COL14A1: variants seen among roughly 807,000 people sequenced by gnomAD.
COL14A1 encodes collagen type XIV alpha 1 chain, also known as collagen alpha-1(XIV) chain.
In COL14A1, 136 loss-of-function variants were observed where a neutral mutation model predicts 230.3. The ratio of observed to expected loss-of-function variants is 0.59; its 90% CI spans 0.51 to 0.68. The LOEUF (loss-of-function observed/expected upper bound fraction) is 0.68, where lower values mean the gene tolerates loss of function less well. COL14A1 is among the 30% of genes least tolerant of loss of function. COL14A1 has a pLI of 0.00. For missense variants in COL14A1, 1,976 were observed against 2,215.8 expected, an observed-to-expected ratio of 0.89 and a Z score of 2.17; for synonymous variants, 792 against 784.1, an observed-to-expected ratio of 1.01 and a Z score of -0.17.
At chr8:120,167,504 G>A (rs1175485354) in intron 4 of COL14A1, among the ~76,000 whole-genome samples, 1 of 152,186 alleles carries the variant, frequency 6.6e-6, no homozygotes, top group Admixed American at 6.5e-5. Context: ...GCAGTTTTAA[G>A]GAGAGAATGC....
intron 34 of COL14A1, among the ~76,000 whole-genome samples, chr8:120,295,758 A>G (rs1563723176): frequency 6.6e-6 from 1 of 151,836 alleles, no homozygotes; most frequent in Non-Finnish European, 1.5e-5. Flanking sequence ...CCTCTATACT[A>G]ACTCATTTAA....
Position 120,161,693 on chromosome 8 carries a change from C to T in COL14A1, c.206-733C>T, listed in dbSNP as rs145305728. Among the ~76,000 whole-genome samples the T allele has an allele frequency of 9.9e-3, 1,507 of 152,132 alleles. 29 individuals carry two copies. Among genetic ancestry groups the T allele is most frequent in the African/African-American group, 0.033 (1,356 of 41,494 alleles). On this transcript the variant is annotated intron_variant, in intron 3 of 47. Transcript: ENST00000297848. ...ACATTTTTTTTTTGAGGCGGAGTCTCGGTCTGTCACCCAGGCTGGAGTGCA... is the reference window on the plus strand; with the variant it reads ...ACATTTTTTTTTTGAGGCGGAGTCTTGGTCTGTCACCCAGGCTGGAGTGCA...
In COL14A1 at chr8:120,162,565, C is replaced by T; in HGVS notation, c.345C>T (p.Phe115=). 1 of 1,602,794 alleles carries T rather than the reference C, an allele frequency of 6.2e-7. No homozygotes were observed. The highest frequency in any genetic ancestry group is 1.7e-5 in the Admixed American group (1 of 57,972). The part of the protein sequence containing the change: ...DKESKPAQGQ[F]RIKDLEKRKD... ...AAAGCAAGCCAGCTCAAGGCCAATT[C>T]AGAAGTACGTATTTACAGTTCTCAA... The change falls in exon 4 of 48, where the codon TTC becomes TTT. Residue 115 remains phenylalanine (F), a synonymous_variant. Coordinates refer to ENST00000297848, the MANE Select transcript of COL14A1 (RefSeq NM_021110.4).
chr8:120,233,209 C>A, intron 19 of COL14A1, among the ~76,000 whole-genome samples: 1 of 151,840 alleles, frequency 6.6e-6, no homozygotes, highest in East Asian at 1.9e-4. Context: ...TTCTCCCATT[C>A]TGTAGGTTGC....
At chr8:120,132,871 G>A (rs1814578833) in intron 1 of COL14A1, among the ~76,000 whole-genome samples, 1 of 151,950 alleles carries the variant, frequency 6.6e-6, no homozygotes, top group Non-Finnish European at 1.5e-5. Context: ...TCTCCCCATG[G>A]TTTTGCAATT....
intron 26 of COL14A1, among the ~76,000 whole-genome samples, chr8:120,274,599 C>A (rs532485131): frequency 1.3e-5 from 2 of 151,848 alleles, no homozygotes; most frequent in South Asian, 2.1e-4. Context: ...CCAAAAGACT[C>A]CTAGATTTGA....
intron 40 of COL14A1, among the ~76,000 whole-genome samples, chr8:120,317,024 T>A (rs1224716343): frequency 6.6e-6 from 1 of 152,192 alleles, no homozygotes; most frequent in Non-Finnish European, 1.5e-5. Context: ...AGGTAGTCAT[T>A]AAATTTTCAG....
intron 5 of COL14A1, among the ~76,000 whole-genome samples, chr8:120,184,991 A>G (rs945908276): frequency 5.3e-5 from 8 of 152,340 alleles, no homozygotes; most frequent in Admixed American, 4.6e-4. Context: ...AATTGGCACA[A>G]GAAATTAACC....
chr8:120,300,913 C>T, intron 36 of COL14A1, 95 bp downstream of exon 36: 2 of 908,840 alleles, frequency 2.2e-6, no homozygotes, highest in South Asian at 3.2e-5. Flanking sequence ...TACTAAATGG[C>T]TATTACTCAC....
chr8:120,147,786 C>A lies in COL14A1; in HGVS notation c.-37-20C>A. 1 of 1,310,988 alleles carries A rather than the reference C, an allele frequency of 7.6e-7. No individual in the cohort carries two copies. Among genetic ancestry groups the A allele is most frequent in the South Asian group, 1.2e-5 (1 of 80,126 alleles). The allele number at this position is 1,310,988 out of a possible 1,614,324, so 81.2% of individuals were successfully genotyped here. A position where few individuals can be genotyped will look rare whatever the true frequency, so the allele number is the denominator to read the frequency against. The stretch of plus-strand genomic sequence containing the variant: ...TATTTTCAGCCTTCTCAAAAATGTT[C>A]CTGTTCTCTCTGTTTCTAGGTGGCT... On this transcript the variant is annotated intron_variant, in intron 1 of 47. Transcript: ENST00000297848.
At chr8:120,233,967 A>G (rs1285473528) in intron 19 of COL14A1, among the ~76,000 whole-genome samples, 1 of 152,172 alleles carries the variant, frequency 6.6e-6, no homozygotes, top group Non-Finnish European at 1.5e-5. Context: ...ATATTTTTCC[A>G]TTTGTTTGTG....
chr8:120,174,233 T>C (rs1816201320), intron 5 of COL14A1, among the ~76,000 whole-genome samples: 1 of 151,296 alleles, frequency 6.6e-6, no homozygotes, highest in Non-Finnish European at 1.5e-5. Context: ...GGGAGAATTT[T>C]ACAAGGAAGT....
intron 32 of COL14A1, 24 bp from the exon 33 acceptor site, chr8:120,285,837 A>G: frequency 1.4e-6 from 2 of 1,443,780 alleles, no homozygotes; most frequent in Non-Finnish European, 1.9e-6. Context: ...TATTTCTAAA[A>G]TATTTTTATT....
At chr8:120,195,507 T>C (rs1817005126) in intron 5 of COL14A1, among the ~76,000 whole-genome samples, 1 of 152,136 alleles carries the variant, frequency 6.6e-6, no homozygotes, top group Non-Finnish European at 1.5e-5. Context: ...CTAAAAGTAT[T>C]GGTCTGTTCT....
Position 120,154,077 on chromosome 8 carries a change from G to T in COL14A1, c.89-4053G>T, listed in dbSNP as rs182733728. 9.2e-5 allele frequency among the ~76,000 whole-genome samples: 14 copies of T among 152,276 alleles called. 1 individual carries two copies. In the East Asian group the frequency reaches 2.7e-3, roughly 29 times the overall value. ...AGGAGATGCGATTATGGGTAGGGAA[G>T]AACACAAGATGTCCATTTCAGTGTC... On this transcript the variant is annotated intron_variant, in intron 2 of 47. Transcript: ENST00000297848.
intron 11 of COL14A1, among the ~76,000 whole-genome samples, chr8:120,209,403 G>C (rs898420683): frequency 1.3e-5 from 2 of 152,030 alleles, no homozygotes; most frequent in Non-Finnish European, 2.9e-5. Context: ...TTTTAGTGTA[G>C]TAGGGGGTGG....
intron 15 of COL14A1, among the ~76,000 whole-genome samples, chr8:120,226,341 A>G (rs976839767): frequency 6.6e-6 from 1 of 152,088 alleles, no homozygotes; most frequent in Non-Finnish European, 1.5e-5. Context: ...CTTGTTTTTT[A>G]TAGTTAATGA....
At chr8:120,130,951 T>C (rs893745931) in intron 1 of COL14A1, among the ~76,000 whole-genome samples, 3 of 152,164 alleles carry the variant, frequency 2.0e-5, no homozygotes, top group African/African-American at 7.2e-5. Context: ...CTCCTACTTA[T>C]AAGTGAGAAT....
intron 40 of COL14A1, among the ~76,000 whole-genome samples, chr8:120,330,669 C>T (rs935911867): frequency 2.0e-5 from 3 of 152,118 alleles, no homozygotes; most frequent in Non-Finnish European, 2.9e-5. Context: ...GGGACACAGC[C>T]AAACCATATC....
Sources: allele counts gnomAD v4.1 joint callset (sites outside exome capture counted in the v4.1 genomes callset), GRCh38; gene constraint gnomAD v4.1.1; transcripts MANE v1.5; gene names NCBI Gene and HGNC (gene_info 2026-07-23, HGNC 2026-07-21).